Variants in PLA2G4B observed in about 807,000 individuals in gnomAD.
PLA2G4B encodes cytosolic phospholipase A2 beta.
A neutral mutation model predicts 95.8 loss-of-function variants in PLA2G4B; 122 were observed. The ratio of observed to expected loss-of-function variants is 1.27; its 90% CI spans 1.10 to 1.48. The LOEUF (loss-of-function observed/expected upper bound fraction) is 1.48, where lower values mean the gene tolerates loss of function less well. Ranked by LOEUF, PLA2G4B falls within the 40% of genes most tolerant of loss-of-function variation. PLA2G4B has a pLI of 0.00. For missense variants in PLA2G4B, 1,158 were observed against 996.2 expected, an observed-to-expected ratio of 1.16 and a Z score of -2.19; for synonymous variants, 518 against 421.5, an observed-to-expected ratio of 1.23 and a Z score of -2.80.
Position 41,841,451 on chromosome 15 carries a change from C to T in PLA2G4B, c.436-66C>T, listed in dbSNP as rs941840960. 1.1e-5 allele frequency: 17 copies of T among 1,612,272 alleles called. No individual in the cohort carries two copies. In the African/African-American group the frequency reaches 2.3e-4, roughly 22 times the overall value. On this transcript the variant is annotated intron_variant, in intron 6 of 19. Coordinates refer to ENST00000458483, the MANE Select transcript of PLA2G4B (RefSeq NM_001114633.2). ...GTGCAGACCAGCAGCAGCCAGGGTG[C>T]TGCGAGGGTGGGGTCCCTGAATGGG... is the stretch of plus-strand genomic sequence containing the variant.
chr15:41,847,204 C>T (rs1014565136), intron 18 of PLA2G4B, 133 bp from the exon 19 acceptor site: 24 of 1,383,080 alleles, frequency 1.7e-5, no homozygotes, highest in Admixed American at 2.4e-5. Flanking sequence ...TTTTTTCCAA[C>T]GACTGGCTTC....
chr15:41,844,263 A>G (rs116154324), intron 11 of PLA2G4B, among the ~76,000 whole-genome samples: 1,590 of 152,168 alleles, frequency 0.01, 22 homozygotes, highest in African/African-American at 0.037. Context: ...TGCCTGGGCC[A>G]TTTTTTCCTG....
intron 18 of PLA2G4B, 83 bp from the exon 19 acceptor site, chr15:41,847,254 G>C: frequency 6.7e-7 from 1 of 1,502,524 alleles, no homozygotes. Flanking sequence ...TTGAGCCCCA[G>C]GTCCTGTGCA....
Position 41,841,088 on chromosome 15 carries a change from C to T in PLA2G4B, c.385C>T (p.Gln129Ter), listed in dbSNP as rs748739295. ...EGRLEVEFRLQSLADRGEWLV... is the reference protein window; with the variant it reads ...EGRLEVEFRL Reference sequence around the variant, plus strand: ...GCGCCTGGAAGTTGAATTTCGCCTGCAGAGTCTGTGAGTCAGGGGCCTGGG... The same window carrying T: ...GCGCCTGGAAGTTGAATTTCGCCTGTAGAGTCTGTGAGTCAGGGGCCTGGG... The change falls in exon 5 of 20, where the codon CAG (glutamine) becomes TAG (stop). Residue 129 changes from glutamine (Q) to a stop codon, truncating the protein, a stop_gained. Coordinates refer to ENST00000458483, the MANE Select transcript of PLA2G4B (RefSeq NM_001114633.2). LOFTEE classifies it high-confidence loss of function. 19 of 1,593,916 alleles carry T rather than the reference C, an allele frequency of 1.2e-5. No homozygotes were observed. The Admixed American group carries it at 1.4e-4, about 11-fold the overall frequency.
chr15:41,842,459 C>T (rs978908499), intron 9 of PLA2G4B, 95 bp from the exon 10 acceptor site: 58 of 1,539,500 alleles, frequency 3.8e-5, no homozygotes, highest in South Asian at 8.4e-5. Flanking sequence ...GAGACGGTGG[C>T]GGGGCGGGGG....
chr15:41,846,342 C>T lies in PLA2G4B; in HGVS notation c.1740C>T (p.His580=), dbSNP rs2065545477. 6.2e-7 allele frequency: 1 copy of T among 1,610,398 alleles called. No homozygotes were observed. Among genetic ancestry groups the T allele is most frequent in the Non-Finnish European group, 8.5e-7 (1 of 1,176,734 alleles). ...ATTTCCTGCGTGGCCTCCATTTCCA[C>T]AAAGACTACTTTCAGCATCCTCACT... is the stretch of plus-strand genomic sequence containing the variant. ...THNFLRGLHF[H]KDYFQHPHFS... Residue 580 remains histidine (H), a synonymous_variant, in exon 17 of 20, where the codon CAC becomes CAT. Transcript: ENST00000458483.
At chr15:41,843,548 C>G in intron 10 of PLA2G4B, 128 bp from the exon 11 acceptor site, 3 of 1,485,270 alleles carry the variant, frequency 2.0e-6, no homozygotes, top group Non-Finnish European at 1.8e-6. Context: ...AGTCTTGTGA[C>G]ACGGGAGTGG....
At position 41,846,346 on chromosome 15, in the gene PLA2G4B, G is replaced by GACTACTTTCAGCATCCTCACT. The variant is rs1436635950; in HGVS notation, c.1745_1765dup (p.His588_Phe589insTyrTyrPheGlnHisProHis). 6.2e-7 allele frequency: 1 copy of GACTACTTTCAGCATCCTCACT among 1,609,748 alleles called. No individual in the cohort carries two copies. The highest frequency in any genetic ancestry group is 2.2e-5 in the East Asian group (1 of 44,740). ...CCTGCGTGGCCTCCATTTCCACAAA[G>GACTACTTTCAGCATCCTCACT]ACTACTTTCAGCATCCTCACTTCTC... On this transcript the variant is annotated inframe_insertion, in exon 17 of 20. Coordinates refer to ENST00000458483, the MANE Select transcript of PLA2G4B (RefSeq NM_001114633.2).
At chr15:41,844,127 T>C (rs973107103) in intron 11 of PLA2G4B, among the ~76,000 whole-genome samples, 9 of 152,174 alleles carry the variant, frequency 5.9e-5, no homozygotes, top group African/African-American at 2.2e-4. Context: ...AGGAGGTTCA[T>C]ATTAGCCTGG....
chr15:41,844,321 C>G (rs1221515277), intron 11 of PLA2G4B, 150 bp from the exon 12 acceptor site: 10 of 1,339,728 alleles, frequency 7.5e-6, no homozygotes, highest in Non-Finnish European at 9.2e-6. Context: ...CTGTTTCTGG[C>G]CCCCAGGGCT....
At position 41,841,544 on chromosome 15, in the gene PLA2G4B, C is replaced by T; in HGVS notation, c.463C>T (p.Gln155Ter). 6.2e-7 allele frequency: 1 copy of T among 1,614,100 alleles called. No homozygotes were observed. The highest frequency in any genetic ancestry group is 8.5e-7 in the Non-Finnish European group (1 of 1,180,006). The change falls in exon 7 of 20, where the codon CAA (glutamine) becomes TAA (stop). Residue 155 changes from glutamine to a stop codon, truncating the protein, a stop_gained. Transcript: ENST00000458483. LOFTEE classifies it high-confidence loss of function. The stretch of plus-strand genomic sequence containing the variant: ...CCGGGAGCTCTCCTGCTTGCACGTT[C>T]AACTGGAGGAGACAGGAGACCAGAA... The part of the protein sequence containing the change: ...VARELSCLHV[Q>*]LEETGDQKSS...
Position 41,842,254 on chromosome 15 carries a change from G to C in PLA2G4B, c.683G>C (p.Arg228Thr). ...LSALPSGQVV[R>T]LVFPTSQEPL... ...GCCCTGCCCTCTGGTCAAGTGGTGA[G>C]GCTTGTCTTCCCCACGTCCCAGGTA... The change falls in exon 9 of 20, where the codon AGG (arginine) becomes ACG (threonine). Residue 228 changes from arginine (R) to threonine (T), a missense_variant. By Grantham distance (71) the Arg-to-Thr change is moderately conservative. Coordinates refer to ENST00000458483, the MANE Select transcript of PLA2G4B (RefSeq NM_001114633.2). 1 of 1,614,080 alleles carries C rather than the reference G, an allele frequency of 6.2e-7. No homozygotes were observed. Among genetic ancestry groups the C allele is most frequent in the Non-Finnish European group, 8.5e-7 (1 of 1,180,010 alleles).
Position 41,847,233 on chromosome 15 carries a change from C to G in PLA2G4B, c.1948-104C>G. On this transcript the variant is annotated intron_variant, in intron 18 of 19. Transcript: ENST00000458483. ...TGGCTTCATAGGCCCCACTGGAGAC[C>G]GTTTTGGCATTTGAGCCCCAGGTCC... 3 of 1,480,782 alleles carry G rather than the reference C, an allele frequency of 2.0e-6. No individual in the cohort carries two copies. The South Asian group carries it at 4.1e-5, about 20-fold the overall frequency. The allele number at this position is 1,480,782 out of a possible 1,614,324, so 91.7% of individuals were successfully genotyped here.
chr15:41,840,158 G>A lies in PLA2G4B; in HGVS notation c.10G>A (p.Ala4Thr), dbSNP rs745405146. The A allele has an allele frequency of 2.5e-6, 4 of 1,612,826 alleles. No homozygotes were observed. In the Admixed American group the frequency reaches 6.7e-5, roughly 27 times the overall value. Residue 4 changes from alanine to threonine, a missense_variant and splice_region_variant, in exon 2 of 20, where the codon GCA becomes ACA. Ala to Thr is a moderately conservative substitution (Grantham distance 58). Coordinates refer to ENST00000458483, the MANE Select transcript of PLA2G4B (RefSeq NM_001114633.2). The part of the protein sequence containing the change: MAV[A>T]EVSRTCLLTV... ...GGTCTCCCCTCTCCCACCTCTGCAG[G>A]CAGAGGTGTCCAGGACCTGCCTGCT...
rs1415596070 is a variant in PLA2G4B at position 41,846,381 on chromosome 15, A to G, written c.1779A>G (p.Lys593=). The G allele has an allele frequency of 5.6e-6, 9 of 1,603,426 alleles. No homozygotes were observed. Among genetic ancestry groups the G allele is most frequent in the Non-Finnish European group, 6.8e-6 (8 of 1,171,118 alleles). ...AGCATCCTCACTTCTCCACATGGAA[A>G]GGTACCTGCTTCTCTCCAAAGTCCT... The part of the protein sequence containing the change: ...YFQHPHFSTW[K]ATTLDGLPNQ... Residue 593 remains lysine (K), a splice_region_variant and synonymous_variant, in exon 17 of 20, where the codon AAA becomes AAG. Transcript: ENST00000458483.
At chr15:41,847,609 C>T in intron 19 of PLA2G4B, 40 bp from the exon 20 acceptor site, 2 of 1,612,928 alleles carry the variant, frequency 1.2e-6, no homozygotes, top group Non-Finnish European at 1.7e-6. Flanking sequence ...CTGTCTTCCC[C>T]ACAACGTGTT....
At position 41,841,047 on chromosome 15, in the gene PLA2G4B, CTT is replaced by C. The variant is rs2065421719; in HGVS notation, c.352-7_352-6del. 1 of 1,575,030 alleles carries C rather than the reference CTT, an allele frequency of 6.3e-7. No homozygotes were observed. Among genetic ancestry groups the C allele is most frequent in the Non-Finnish European group, 8.6e-7 (1 of 1,157,910 alleles). ...CCCTTTCTAACTTACTTCTGGCTCT[CTT>C]CCCAGGGTGAGGGGCGCCTGGAAGT... On this transcript the variant is annotated splice_polypyrimidine_tract_variant and splice_region_variant and intron_variant, in intron 4 of 19. Transcript: ENST00000458483.
intron 1 of PLA2G4B, 120 bp downstream of exon 1, chr15:41,839,042 A>G: frequency 1.3e-6 from 1 of 770,156 alleles, no homozygotes; most frequent in Non-Finnish European, 2.1e-6. Flanking sequence ...GAGTTTATTG[A>G]CCACAAGACC....
At chr15:41,843,359 GGACAGAA>G (rs2065471182) in intron 10 of PLA2G4B, 1 of 300,290 alleles carries the variant, frequency 3.3e-6, no homozygotes, top group Non-Finnish European at 6.1e-6. Context: ...CGTGGGTAAG[GGACAGAA>G]CACGAGACTT....
Sources: gnomAD v4.1 joint callset for allele counts (sites outside exome capture counted in the v4.1 genomes callset) on GRCh38, gnomAD v4.1.1 for gene constraint, MANE v1.5 for transcripts, NCBI Gene and HGNC (gene_info 2026-07-23, HGNC 2026-07-21) for gene names.